The following POT1 variants were observed in gnomAD, a reference collection of about 807,000 sequenced individuals.
POT1 encodes protection of telomeres protein 1.
POT1 carries 47 observed loss-of-function variants against 78.5 expected under a neutral mutation model. That is an observed-to-expected ratio of 0.60 (90% CI 0.47 to 0.76). POT1 has a LOEUF of 0.76. Ranked by LOEUF, POT1 falls within the 30% of genes least tolerant of loss-of-function variation. POT1 has a pLI of 0.00. For missense variants in POT1, 646 were observed against 749.9 expected (o/e 0.86, Z 1.62); for synonymous variants, 259 against 260.7 (o/e 0.99, Z 0.06).
chr7:124,908,290 T>C (rs1796812224), intron 3 of POT1, among the ~76,000 whole-genome samples: 1 of 152,034 alleles, frequency 6.6e-6, no homozygotes, highest in Admixed American at 6.6e-5. Flanking sequence ...TAAAAATGTA[T>C]TTCATGAGCA....
rs557445781 is a variant in POT1, at chr7:124,895,523, C to T, written c.9+1642G>A. On this transcript the variant is annotated intron_variant, in intron 5 of 18. Transcript: ENST00000357628. ...GAGAAAGACACCTAGCAGCATAATT[C>T]GATTCATTCATTCCTTTATTTATTT... Among the ~76,000 whole-genome samples the T allele has an allele frequency of 4.4e-4, 66 of 150,262 alleles. No homozygotes were observed. In the South Asian group the frequency reaches 0.014, roughly 31 times the overall value.
Position 124,846,795 on chromosome 7 carries a change from A to G in POT1, c.1006+147T>C, listed in dbSNP as rs1008965088. On this transcript the variant is annotated intron_variant, in intron 12 of 18. Transcript: ENST00000357628. ...CCATTTTATGCCAACAAGACACGGT[A>G]GAAGAAGAAAGTTAAATATGGACAT... The G allele has an allele frequency of 1.5e-5, 8 of 534,852 alleles. No individual in the cohort carries two copies. In the East Asian group the frequency reaches 2.5e-4, roughly 17 times the overall value. 33.1% of individuals were successfully genotyped at this position (534,852 alleles called of 1,614,324 possible).
chr7:124,877,566 G>C (rs986461863), intron 6 of POT1, among the ~76,000 whole-genome samples: 5 of 151,760 alleles, frequency 3.3e-5, no homozygotes, highest in Non-Finnish European at 7.4e-5. Context: ...ACCGGTCGTG[G>C]GGGCTCACAC....
intron 5 of POT1, among the ~76,000 whole-genome samples, chr7:124,893,370 A>C (rs1023952696): frequency 1.3e-5 from 2 of 151,460 alleles, no homozygotes; most frequent in Non-Finnish European, 3.0e-5. Context: ...AAATGCTAAT[A>C]ATGAAACCCT....
chr7:124,899,093 C>CT (rs1796559870), intron 3 of POT1, among the ~76,000 whole-genome samples: 3 of 152,280 alleles, frequency 2.0e-5, no homozygotes, highest in South Asian at 2.1e-4. Flanking sequence ...ATTTAAAACT[C>CT]TATCAAGTGG....
In POT1 at chr7:124,842,788, T is replaced by C; in HGVS notation, c.1163+19A>G. The C allele has an allele frequency of 6.3e-7, 1 of 1,577,098 alleles. No individual in the cohort carries two copies. Among genetic ancestry groups the C allele is most frequent in the Non-Finnish European group, 8.6e-7 (1 of 1,165,250 alleles). ...ACAAATAATATGAAAACGTTTGTTT[T>C]ATTATGGAAAATACTCACAGCAAAT... On this transcript the variant is annotated intron_variant, in intron 13 of 18. Coordinates refer to ENST00000357628, the MANE Select transcript of POT1 (RefSeq NM_015450.3).
chr7:124,906,648 AAAAAT>A (rs758419755), intron 3 of POT1, among the ~76,000 whole-genome samples: 99 of 152,250 alleles, frequency 6.5e-4, no homozygotes, highest in Non-Finnish European at 9.4e-4. Flanking sequence ...ATAAAAAATA[AAAAAT>A]AAAATAAAAT....
At chr7:124,872,804 C>T (rs1252962883) in intron 6 of POT1, among the ~76,000 whole-genome samples, 1 of 152,190 alleles carries the variant, frequency 6.6e-6, no homozygotes, top group African/African-American at 2.4e-5. Context: ...ATGTTTTCCA[C>T]AATACCTGTG....
chr7:124,898,784 T>C (rs1796552549), intron 3 of POT1, among the ~76,000 whole-genome samples: 1 of 152,098 alleles, frequency 6.6e-6, no homozygotes, highest in Admixed American at 6.6e-5. Flanking sequence ...AACTAATATA[T>C]GTGCATACAA....
At chr7:124,826,862 C>T (rs1794642257) in intron 17 of POT1, among the ~76,000 whole-genome samples, 1 of 140,368 alleles carries the variant, frequency 7.1e-6, no homozygotes, top group Admixed American at 7.5e-5. Flanking sequence ...GAGCAAGACT[C>T]CATCTCAAAA....
intron 6 of POT1, among the ~76,000 whole-genome samples, chr7:124,891,637 T>C (rs1229954245): frequency 6.6e-6 from 1 of 151,720 alleles, no homozygotes; most frequent in African/African-American, 2.4e-5. Flanking sequence ...CATTATTTTG[T>C]AATGACATGC....
intron 2 of POT1, among the ~76,000 whole-genome samples, chr7:124,924,308 A>C (rs777787668): frequency 1.3e-5 from 2 of 151,890 alleles, no homozygotes; most frequent in Admixed American, 6.6e-5. Flanking sequence ...TACAACTGAT[A>C]CCACAGAAAT....
intron 2 of POT1, among the ~76,000 whole-genome samples, chr7:124,922,959 C>CA (rs747220091): frequency 7.9e-5 from 12 of 151,646 alleles, no homozygotes; most frequent in Non-Finnish European, 1.3e-4. Context: ...CACAGGCACC[C>CA]AAAATCAAAG....
chr7:124,866,432 C>CATGTTCAACCACA (rs112426611), intron 7 of POT1, among the ~76,000 whole-genome samples: 90,293 of 151,430 alleles, frequency 0.6, 27,033 homozygotes, highest in African/African-American at 0.65. Flanking sequence ...GTATCCATTT[C>CATGTTCAACCACA]ATGTTCAACC....
intron 10 of POT1, among the ~76,000 whole-genome samples, chr7:124,852,295 A>C (rs1414112992): frequency 6.6e-6 from 1 of 152,208 alleles, no homozygotes; most frequent in Non-Finnish European, 1.5e-5. Context: ...AAAAGTAATA[A>C]AACAGAAGCT....
chr7:124,881,439 A>T (rs1055877756), intron 6 of POT1, among the ~76,000 whole-genome samples: 3 of 152,056 alleles, frequency 2.0e-5, no homozygotes, highest in African/African-American at 7.2e-5. Flanking sequence ...TCAGGTTAAG[A>T]GAACAAGTGG....
At chr7:124,835,543 TA>T (rs1649085059) in intron 14 of POT1, 129 bp from the exon 15 acceptor site, 4 of 980,978 alleles carry the variant, frequency 4.1e-6, no homozygotes, top group Non-Finnish European at 5.8e-6. Context: ...TGAATGTATG[TA>T]AAAAATATTA....
intron 17 of POT1, 125 bp downstream of exon 17, chr7:124,827,089 T>C (rs1794648300): frequency 7.1e-6 from 3 of 420,642 alleles, no homozygotes; most frequent in Non-Finnish European, 1.2e-5. Flanking sequence ...TATGTGCTCA[T>C]ATTTTACTTA....
At chr7:124,838,712 T>C (rs1333773165) in intron 14 of POT1, among the ~76,000 whole-genome samples, 2 of 152,110 alleles carry the variant, frequency 1.3e-5, no homozygotes, top group Admixed American at 6.5e-5. Flanking sequence ...TTCAAGCCAT[T>C]CTACTGCCTC....
Sources: gnomAD v4.1 joint callset for allele counts (sites outside exome capture counted in the v4.1 genomes callset) on GRCh38, gnomAD v4.1.1 for gene constraint, MANE v1.5 for transcripts, NCBI Gene and HGNC (gene_info 2026-07-23, HGNC 2026-07-21) for gene names.